Variants in LRRIQ1 observed in about 807,000 individuals in gnomAD.
LRRIQ1 encodes the protein leucine rich repeats and IQ motif containing 1.
A neutral mutation model predicts 211.9 loss-of-function variants in LRRIQ1; 210 were observed. The observed-to-expected ratio is 0.99, with a 90% CI of 0.89 to 1.11. The LOEUF (loss-of-function observed/expected upper bound fraction) is 1.11. LRRIQ1 is among the 50% of genes most tolerant of loss of function. LRRIQ1 has a pLI of 0.00. For synonymous variants in LRRIQ1, 699 were observed against 650.1 expected, an observed-to-expected ratio of 1.08 and a Z score of -1.14; for missense variants, 2,136 against 1,939.5, an observed-to-expected ratio of 1.10 and a Z score of -1.90.
At chr12:85,138,721 A>T (rs1206557966) in intron 19 of LRRIQ1, among the ~76,000 whole-genome samples, 1 of 151,602 alleles carries the variant, frequency 6.6e-6, no homozygotes, top group Admixed American at 6.6e-5. Flanking sequence ...TAAATGCTGT[A>T]ATTCCATAAT....
chr12:85,156,927 A>G (rs1385765314), intron 23 of LRRIQ1, among the ~76,000 whole-genome samples: 5 of 151,902 alleles, frequency 3.3e-5, no homozygotes, highest in South Asian at 2.1e-4. Flanking sequence ...CACAATTGCA[A>G]GAAGTATGGT....
intron 24 of LRRIQ1, among the ~76,000 whole-genome samples, chr12:85,184,307 A>G (rs1892129613): frequency 6.6e-6 from 1 of 152,056 alleles, no homozygotes; most frequent in South Asian, 2.1e-4. Context: ...TTGCAGTGCA[A>G]TTCCTCATTT....
chr12:85,173,047 T>G (rs1246638604), intron 24 of LRRIQ1, among the ~76,000 whole-genome samples: 1 of 152,080 alleles, frequency 6.6e-6, no homozygotes, highest in Admixed American at 6.6e-5. Flanking sequence ...AGGCAGAGGT[T>G]GCAGTGAGCC....
intron 24 of LRRIQ1, among the ~76,000 whole-genome samples, chr12:85,191,486 A>G (rs1050909006): frequency 6.6e-6 from 1 of 151,988 alleles, no homozygotes. Flanking sequence ...ATGTCTGGTC[A>G]TAACTTGATA....
At chr12:85,040,771 T>C (rs1238680892) in intron 3 of LRRIQ1, among the ~76,000 whole-genome samples, 170 bp downstream of exon 3, 1 of 151,568 alleles carries the variant, frequency 6.6e-6, no homozygotes, top group Non-Finnish European at 1.5e-5. Context: ...GTTTAGTTCA[T>C]TCATTTTTTT....
intron 18 of LRRIQ1, among the ~76,000 whole-genome samples, chr12:85,136,967 G>C (rs1889176916): frequency 6.6e-6 from 1 of 151,638 alleles, no homozygotes; most frequent in South Asian, 2.1e-4. Flanking sequence ...TAGTTTGAAA[G>C]TCAAATCCAA....
chr12:85,170,099 A>G (rs1252412645), intron 24 of LRRIQ1, among the ~76,000 whole-genome samples: 1 of 152,062 alleles, frequency 6.6e-6, no homozygotes. Context: ...TATCTGGATA[A>G]GGTAGATTCA....
chr12:85,237,713 A>G (rs955545629), intron 26 of LRRIQ1, among the ~76,000 whole-genome samples: 2 of 152,126 alleles, frequency 1.3e-5, no homozygotes, highest in African/African-American at 4.8e-5. Flanking sequence ...AAACTCCTCT[A>G]GATCCACATA....
intron 19 of LRRIQ1, among the ~76,000 whole-genome samples, chr12:85,150,755 C>G (rs1156969092): frequency 6.8e-6 from 1 of 147,534 alleles, no homozygotes; most frequent in Non-Finnish European, 1.5e-5. Context: ...CTTTGTCTCT[C>G]TCTGCCTCTC....
At chr12:85,111,949 C>T (rs1287720594) in intron 15 of LRRIQ1, among the ~76,000 whole-genome samples, 1 of 147,826 alleles carries the variant, frequency 6.8e-6, no homozygotes, top group Non-Finnish European at 1.5e-5. Flanking sequence ...TATATATACA[C>T]ACACACACAC....
intron 24 of LRRIQ1, among the ~76,000 whole-genome samples, chr12:85,182,346 G>A (rs77588093): frequency 0.019 from 2,839 of 152,220 alleles, 87 homozygotes; most frequent in African/African-American, 0.065. Context: ...CATGACAGAG[G>A]TTGGTAGATT....
intron 24 of LRRIQ1, among the ~76,000 whole-genome samples, chr12:85,177,467 A>C (rs1891763088): frequency 6.6e-6 from 1 of 152,096 alleles, no homozygotes; most frequent in Non-Finnish European, 1.5e-5. Flanking sequence ...AAGGCTGAGT[A>C]AAAGTAACTA....
chr12:85,100,148 G>A (rs1409309673), intron 13 of LRRIQ1, among the ~76,000 whole-genome samples: 1 of 151,584 alleles, frequency 6.6e-6, no homozygotes, highest in Admixed American at 6.6e-5. Flanking sequence ...GATACCTAAC[G>A]TATTTTATAA....
intron 26 of LRRIQ1, among the ~76,000 whole-genome samples, chr12:85,233,583 T>C (rs1467156871): frequency 6.6e-6 from 1 of 152,192 alleles, no homozygotes; most frequent in East Asian, 1.9e-4. Context: ...GAAATGAGTA[T>C]TATGATTTCC....
intron 10 of LRRIQ1, 74 bp from the exon 11 acceptor site, chr12:85,072,833 T>G: frequency 9.9e-7 from 1 of 1,006,412 alleles, no homozygotes; most frequent in Non-Finnish European, 1.4e-6. Flanking sequence ...AATTTTTTTC[T>G]CATATAAGCT....
chr12:85,160,692 C>G lies in LRRIQ1; in HGVS notation c.4800C>G (p.Pro1600=). ...SLPKSPKMVQ[P]RRDGYFEGIE... ...CAAAATCACCAAAGATGGTACAGCC[C>G]AGAAGAGATGGTTACTTTGAAGGTA... Residue 1600 remains proline (P), a synonymous_variant, in exon 24 of 27, where the codon CCC becomes CCG. Coordinates refer to ENST00000393217, the MANE Select transcript of LRRIQ1 (RefSeq NM_001079910.2). The G allele has an allele frequency of 6.3e-7, 1 of 1,597,614 alleles. No individual in the cohort carries two copies.
intron 25 of LRRIQ1, among the ~76,000 whole-genome samples, chr12:85,232,141 T>C (rs114664379): frequency 0.039 from 5,912 of 152,098 alleles, 341 homozygotes; most frequent in East Asian, 0.2. Context: ...CAATAAGCAA[T>C]TGTTAATAAA....
At chr12:85,095,836 A>G (rs1450028540) in intron 11 of LRRIQ1, among the ~76,000 whole-genome samples, 1 of 151,874 alleles carries the variant, frequency 6.6e-6, no homozygotes, top group African/African-American at 2.4e-5. Flanking sequence ...AGAACTCCAT[A>G]TTGGTCTGTT....
At chr12:85,270,642 C>T in the LRRIQ1 span, among the ~76,000 whole-genome samples, 1 of 152,014 alleles carries the variant, frequency 6.6e-6, no homozygotes, top group South Asian at 2.1e-4. Flanking sequence ...GTCCATAATC[C>T]TTAGTAAATG....
Sources: gnomAD v4.1 joint callset for allele counts (sites outside exome capture counted in the v4.1 genomes callset) on GRCh38, gnomAD v4.1.1 for gene constraint, MANE v1.5 for transcripts, NCBI Gene and HGNC (gene_info 2026-07-23, HGNC 2026-07-21) for gene names.